SV2C: variants seen among roughly 807,000 people sequenced by gnomAD.
The protein encoded by SV2C is solute carrier family 22 member B3.
SV2C carries 49 observed loss-of-function variants against 79.7 expected under a neutral mutation model. The ratio of observed to expected loss-of-function variants is 0.61; its 90% CI spans 0.49 to 0.78. SV2C has a LOEUF of 0.78. Ranked by LOEUF, SV2C falls within the 30% of genes least tolerant of loss-of-function variation. The probability of loss-of-function intolerance (pLI) is 0.00; values close to 1 mark genes in which losing one functional copy is unlikely to be tolerated. For missense variants in SV2C, 833 were observed against 912.9 expected (o/e 0.91, Z 1.13); for synonymous variants, 334 against 333.2 (o/e 1.00, Z -0.03).
chr5:76,071,712 A>G, the SV2C span, among the ~76,000 whole-genome samples: 2 of 152,246 alleles, frequency 1.3e-5, no homozygotes, highest in Admixed American at 1.3e-4. Context: ...TGCATTTTTA[A>G]TAGCTAGATC....
chr5:76,291,348 A>G lies in SV2C; in HGVS notation c.1248+17A>G, dbSNP rs1324806033. 1 of 1,559,970 alleles carries G rather than the reference A, an allele frequency of 6.4e-7. No homozygotes were observed. The highest frequency in any genetic ancestry group is 1.2e-5 in the South Asian group (1 of 85,920). On this transcript the variant is annotated intron_variant, in intron 7 of 12. Transcript: ENST00000502798. ...CTGTACGGAGTAAGTAACAAGTCCCATGATGACCTGCATGTTAATTTATTG... is the reference window on the plus strand; with the variant it reads ...CTGTACGGAGTAAGTAACAAGTCCCGTGATGACCTGCATGTTAATTTATTG...
chr5:76,169,312 C>T (rs1364773844), intron 2 of SV2C, among the ~76,000 whole-genome samples: 2 of 152,160 alleles, frequency 1.3e-5, no homozygotes, highest in African/African-American at 4.8e-5. Context: ...TTCCAATTTA[C>T]TGATGTGACG....
the SV2C span, among the ~76,000 whole-genome samples, chr5:75,978,682 T>C: frequency 6.6e-6 from 1 of 152,226 alleles, no homozygotes; most frequent in South Asian, 2.1e-4. Context: ...CTATTACTCA[T>C]GTTGGTACCA....
chr5:76,210,654 T>G (rs1744741566), intron 4 of SV2C, among the ~76,000 whole-genome samples: 1 of 152,186 alleles, frequency 6.6e-6, no homozygotes, highest in African/African-American at 2.4e-5. Context: ...TTAGGTATGA[T>G]TGATTATTAA....
intron 4 of SV2C, among the ~76,000 whole-genome samples, chr5:76,267,462 T>C (rs1478606080): frequency 6.6e-6 from 1 of 152,242 alleles, no homozygotes; most frequent in Non-Finnish European, 1.5e-5. Flanking sequence ...GTACCTTTCA[T>C]GCCTTTTTAA....
chr5:76,177,967 C>T (rs921961439), intron 2 of SV2C, among the ~76,000 whole-genome samples: 12 of 152,066 alleles, frequency 7.9e-5, no homozygotes, highest in African/African-American at 2.7e-4. Flanking sequence ...GAAAACCATA[C>T]TTTCATTGTT....
the SV2C span, among the ~76,000 whole-genome samples, chr5:75,978,015 T>C: frequency 3.9e-5 from 6 of 152,214 alleles, no homozygotes; most frequent in African/African-American, 1.4e-4. Flanking sequence ...TAAAAAGTTG[T>C]CTTTAACCAC....
At chr5:75,852,994 C>T in the SV2C span, among the ~76,000 whole-genome samples, 16 of 152,068 alleles carry the variant, frequency 1.1e-4, no homozygotes, top group African/African-American at 3.1e-4. Context: ...CCTAAGTTTT[C>T]GAAAGGCATT....
chr5:75,926,065 C>G, the SV2C span, among the ~76,000 whole-genome samples: 1 of 152,300 alleles, frequency 6.6e-6, no homozygotes, highest in East Asian at 1.9e-4. Context: ...TAAGATCTCA[C>G]TTAACTGCGG....
At chr5:75,853,901 C>T in the SV2C span, among the ~76,000 whole-genome samples, 415 of 148,802 alleles carry the variant, frequency 2.8e-3, 5 homozygotes, top group African/African-American at 9.7e-3. Context: ...AAAATAAATT[C>T]TTAAAATTGC....
At chr5:76,029,403 A>C in the SV2C span, among the ~76,000 whole-genome samples, 2 of 152,206 alleles carry the variant, frequency 1.3e-5, no homozygotes, top group African/African-American at 4.8e-5. Flanking sequence ...CTTAATGATC[A>C]GTAGAGTTTT....
intron 2 of SV2C, among the ~76,000 whole-genome samples, chr5:76,173,189 G>A (rs555660188): frequency 1.7e-3 from 259 of 149,028 alleles, no homozygotes; most frequent in Non-Finnish European, 2.6e-3. Context: ...TCAAAGAAGC[G>A]AAGTTATCTG....
the SV2C span, among the ~76,000 whole-genome samples, chr5:76,041,583 T>A: frequency 6.6e-6 from 1 of 152,154 alleles, no homozygotes; most frequent in African/African-American, 2.4e-5. Flanking sequence ...AGACAGCGAA[T>A]GGGCTCCACA....
chr5:76,335,414 C>CTTTTTT (rs869230352), downstream of SV2C, among the ~76,000 whole-genome samples: 37 of 98,122 alleles, frequency 3.8e-4, 1 homozygote, highest in African/African-American at 1.4e-3. Context: ...ACACATTTTC[C>CTTTTTT]TTTTTTTTTT....
chr5:75,950,617 A>G, the SV2C span, among the ~76,000 whole-genome samples: 1 of 151,964 alleles, frequency 6.6e-6, no homozygotes, highest in African/African-American at 2.4e-5. Flanking sequence ...TGCTTTGAGA[A>G]TCCTTATATA....
At chr5:76,174,145 G>A (rs778025333) in intron 2 of SV2C, 34 of 1,611,616 alleles carry the variant, frequency 2.1e-5, no homozygotes, top group East Asian at 4.5e-5. Flanking sequence ...ACTTTCCAAC[G>A]CCTCGTGAGC....
chr5:76,179,585 C>A (rs997335203), intron 2 of SV2C, among the ~76,000 whole-genome samples: 1 of 152,196 alleles, frequency 6.6e-6, no homozygotes, highest in African/African-American at 2.4e-5. Context: ...TCTGGGTGAC[C>A]TTTCCTAAAA....
At chr5:76,207,848 A>G (rs1255716951) in intron 3 of SV2C, among the ~76,000 whole-genome samples, 1 of 152,236 alleles carries the variant, frequency 6.6e-6, no homozygotes, top group Non-Finnish European at 1.5e-5. Flanking sequence ...ATCAAAAAAT[A>G]AAAATAAAAT....
At chr5:75,871,677 G>A in the SV2C span, among the ~76,000 whole-genome samples, 5 of 151,622 alleles carry the variant, frequency 3.3e-5, no homozygotes, top group Admixed American at 6.6e-5. Context: ...GTGTGGTGGC[G>A]TGTGACTGTG....
Sources: allele counts gnomAD v4.1 joint callset (sites outside exome capture counted in the v4.1 genomes callset), GRCh38; gene constraint gnomAD v4.1.1; transcripts MANE v1.5; gene names NCBI Gene and HGNC (gene_info 2026-07-23, HGNC 2026-07-21).